The following TLE3 variants were observed in gnomAD, a reference collection of about 807,000 sequenced individuals.
TLE3 encodes the protein transducin-like enhancer protein 3.
TLE3 carries 14 observed loss-of-function variants against 93.0 expected under a neutral mutation model. That is an observed-to-expected ratio of 0.15 (90% CI 0.10 to 0.24). The LOEUF is 0.24. Among genes scored for constraint, TLE3 ranks in the 10% least tolerant of loss-of-function variants. TLE3 has a pLI of 1.00. For missense variants in TLE3, 693 were observed against 1,046.6 expected (o/e 0.66, Z 4.66); for synonymous variants, 451 against 425.0 (o/e 1.06, Z -0.75).
At chr15:70,096,579 G>GC (rs892781978) in intron 1 of TLE3, 196 bp downstream of exon 1, 55 of 1,510,872 alleles carry the variant, frequency 3.6e-5, no homozygotes, top group Middle Eastern at 2.1e-4. Flanking sequence ...AACACAAGCA[G>GC]CCCCCCGCGC....
In TLE3 at chr15:70,073,568, G is replaced by T. The variant is rs1032942349; in HGVS notation, c.372+965C>A. Among the ~76,000 whole-genome samples, 7 of 152,302 alleles carry T rather than the reference G, an allele frequency of 4.6e-5. No individual in the cohort carries two copies. In the South Asian group the frequency reaches 1.5e-3, roughly 32 times the overall value. On this transcript the variant is annotated intron_variant, in intron 6 of 19. Coordinates refer to ENST00000451782, the MANE Select transcript of TLE3 (RefSeq NM_001105192.3). ...AAATCGTTAGGAACACAGATTTCCA[G>T]TCCCATCCCCAGACCTATGGAAAAG... is the stretch of plus-strand genomic sequence containing the variant.
intron 7 of TLE3, among the ~76,000 whole-genome samples, chr15:70,064,758 G>A (rs893054019): frequency 2.6e-5 from 4 of 152,132 alleles, no homozygotes; most frequent in African/African-American, 9.7e-5. Flanking sequence ...GGGTGGGGAG[G>A]GTAGGCCTTT....
chr15:70,086,929 C>G (rs1383760913), intron 4 of TLE3, among the ~76,000 whole-genome samples: 2 of 152,142 alleles, frequency 1.3e-5, no homozygotes, highest in Non-Finnish European at 2.9e-5. Context: ...AAAAAGATGC[C>G]TAAGATACAT....
chr15:70,053,396 G>A (rs1229635017), intron 16 of TLE3, 22 bp from the exon 17 acceptor site: 1 of 1,588,872 alleles, frequency 6.3e-7, no homozygotes, highest in South Asian at 1.1e-5. Context: ...AAGCAGGGAG[G>A]AGGGTGAGTC....
At chr15:70,059,166 C>A (rs1401120165) in intron 10 of TLE3, among the ~76,000 whole-genome samples, 1 of 152,120 alleles carries the variant, frequency 6.6e-6, no homozygotes, top group Admixed American at 6.5e-5. Flanking sequence ...TACCTGGGAT[C>A]TTTGGGGGTG....
chr15:70,051,250 G>C (rs1468440806), intron 19 of TLE3, 141 bp downstream of exon 19: 1 of 735,322 alleles, frequency 1.4e-6, no homozygotes, highest in African/African-American at 1.8e-5. Context: ...TATCAGGTAG[G>C]GGTGGGGAGG....
rs1200120052 is a variant in TLE3 at position 70,096,187 on chromosome 15, G to A, written c.99C>T (p.Phe33=). The change falls in exon 2 of 20, where the codon TTC becomes TTT. Residue 33 remains phenylalanine, a synonymous_variant. Coordinates refer to ENST00000451782, the MANE Select transcript of TLE3 (RefSeq NM_001105192.3). ...TGTGATACTGAGCTTGCAGGAACTG[G>A]AATTCGTCTTTGATCCTGTCACAAG... ...AESCDRIKDE[F]QFLQAQYHSL... is the part of the protein sequence containing the mutation. The A allele has an allele frequency of 1.3e-6, 2 of 1,559,962 alleles. No individual in the cohort carries two copies. The highest frequency in any genetic ancestry group is 1.4e-5 in the African/African-American group (1 of 73,608).
At chr15:70,073,841 T>TG (rs2057306563) in intron 6 of TLE3, among the ~76,000 whole-genome samples, 1 of 152,186 alleles carries the variant, frequency 6.6e-6, no homozygotes, top group Admixed American at 6.5e-5. Context: ...AGAAATGCAT[T>TG]AAAGATACAA....
intron 8 of TLE3, among the ~76,000 whole-genome samples, chr15:70,062,466 G>A (rs1367047630): frequency 6.6e-6 from 1 of 152,204 alleles, no homozygotes; most frequent in East Asian, 1.9e-4. Flanking sequence ...TTCTTCTCAT[G>A]CAGTCAGGCT....
intron 4 of TLE3, among the ~76,000 whole-genome samples, chr15:70,076,721 C>CT (rs893399967): frequency 9.2e-5 from 14 of 151,696 alleles, no homozygotes; most frequent in South Asian, 4.2e-4. Context: ...AGCCTTCTTT[C>CT]TTTTTTTTTC....
At position 70,094,654 on chromosome 15, in the gene TLE3, G is replaced by A; in HGVS notation, c.190-78C>T. ...TTCAAAATCAGTTTTTTCTTGGAAA[G>A]GTTTTGGCCAAATCATACTTTTACG... On this transcript the variant is annotated intron_variant, in intron 3 of 19. Transcript: ENST00000451782. 9 of 1,115,284 alleles carry A rather than the reference G, an allele frequency of 8.1e-6. No individual in the cohort carries two copies. In the South Asian group the frequency reaches 1.3e-4, roughly 16 times the overall value. 69.1% of individuals were successfully genotyped at this position (1,115,284 alleles called of 1,614,324 possible).
chr15:70,074,991 T>C (rs1032232630), intron 5 of TLE3, among the ~76,000 whole-genome samples: 1 of 152,260 alleles, frequency 6.6e-6, no homozygotes, highest in African/African-American at 2.4e-5. Context: ...TCATGAAGGA[T>C]GGTATCCGTT....
chr15:70,096,371 C>T (rs1032633556), intron 1 of TLE3, 110 bp from the exon 2 acceptor site: 3 of 1,487,432 alleles, frequency 2.0e-6, no homozygotes, highest in Admixed American at 5.2e-5. Flanking sequence ...CACCCTCAGC[C>T]CAGAACCTTC....
At chr15:70,074,460 C>A in intron 6 of TLE3, 73 bp downstream of exon 6, 2 of 1,536,028 alleles carry the variant, frequency 1.3e-6, no homozygotes, top group Non-Finnish European at 1.8e-6. Context: ...CAGGGTCAAT[C>A]TCTGGTTATG....
At chr15:70,088,879 C>T (rs1429730959) in intron 4 of TLE3, among the ~76,000 whole-genome samples, 3 of 151,570 alleles carry the variant, frequency 2.0e-5, no homozygotes, top group Non-Finnish European at 4.4e-5. Context: ...CGGGCCCCCG[C>T]CCCCGCCCCC....
chr15:70,055,395 T>A, intron 14 of TLE3, 97 bp from the exon 15 acceptor site: 2 of 1,487,968 alleles, frequency 1.3e-6, no homozygotes, highest in Non-Finnish European at 1.8e-6. Context: ...CCCGACTGGC[T>A]GCCCTGCCTC....
chr15:70,097,507 G>A lies in TLE3; in HGVS notation c.-709C>T, dbSNP rs1191679892. 2 of 406,574 alleles carry A rather than the reference G, an allele frequency of 4.9e-6. No homozygotes were observed. Among genetic ancestry groups the A allele is most frequent in the Non-Finnish European group, 8.6e-6 (2 of 231,320 alleles). 25.2% of individuals were successfully genotyped at this position (406,574 alleles called of 1,614,324 possible). A position where few individuals can be genotyped will look rare whatever the true frequency, so the allele number is the denominator to read the frequency against. Reference sequence around the variant, plus strand: ...CTTCCCAGGGCCGGGGAGGAACTCCGGGCTCAGTAGGTGCAAATCAAACGC... The same window carrying A: ...CTTCCCAGGGCCGGGGAGGAACTCCAGGCTCAGTAGGTGCAAATCAAACGC... On this transcript the variant is annotated 5_prime_UTR_variant, in exon 1 of 20. Transcript: ENST00000451782.
Position 70,058,146 on chromosome 15 carries a change from C to CT in TLE3, c.1051+12dup. On this transcript the variant is annotated intron_variant, in intron 12 of 19. Coordinates refer to ENST00000451782, the MANE Select transcript of TLE3 (RefSeq NM_001105192.3). This position sits in a 1 kb window ranked among gnomAD's most constrained non-coding sequence, Gnocchi z 4.1. ...ATCAGATTAACCCAGCCCATGGTGC[C>CT]TACCCATTATACCTATCGGGTCCAT... The CT allele has an allele frequency of 1.2e-6, 2 of 1,613,984 alleles. No individual in the cohort carries two copies. Among genetic ancestry groups the CT allele is most frequent in the Non-Finnish European group, 8.5e-7 (1 of 1,179,862 alleles).
At chr15:70,080,040 T>C (rs2057685371) in intron 4 of TLE3, among the ~76,000 whole-genome samples, 1 of 139,264 alleles carries the variant, frequency 7.2e-6, no homozygotes. Context: ...TCAAACAAGC[T>C]CTAAACATCA....
Sources: gnomAD v4.1 joint callset for allele counts (sites outside exome capture counted in the v4.1 genomes callset) on GRCh38, gnomAD v4.1.1 for gene constraint, Gnocchi (gnomAD v3.1) non-coding constraint, MANE v1.5 for transcripts, NCBI Gene and HGNC (gene_info 2026-07-23, HGNC 2026-07-21) for gene names.